The following PYGO1 variants were observed in gnomAD, a reference collection of about 807,000 sequenced individuals.
The protein encoded by PYGO1 is pygopus homolog 1.
A neutral mutation model predicts 29.5 loss-of-function variants in PYGO1; 6 were observed. That is an observed-to-expected ratio of 0.20 (90% CI 0.11 to 0.40). The LOEUF is 0.40. Ranked by LOEUF, PYGO1 falls within the 10% of genes least tolerant of loss-of-function variation. PYGO1 has a pLI of 1.00. For missense variants in PYGO1, 515 were observed against 514.9 expected (o/e 1.00, Z 0.00); for synonymous variants, 186 against 180.5 (o/e 1.03, Z -0.24).
chr15:55,556,016 G>C (rs745996710), intron 1 of PYGO1, among the ~76,000 whole-genome samples: 5 of 151,734 alleles, frequency 3.3e-5, no homozygotes, highest in Admixed American at 3.3e-4. Flanking sequence ...CAAGTTTTTA[G>C]AGACCTACAA....
chr15:55,552,900 C>A (rs964573439), intron 1 of PYGO1, among the ~76,000 whole-genome samples: 5 of 152,202 alleles, frequency 3.3e-5, no homozygotes. Context: ...CATTGTTCTG[C>A]GGGCCCCACT....
chr15:55,557,307 C>T (rs1400030269), intron 1 of PYGO1, among the ~76,000 whole-genome samples: 4 of 151,990 alleles, frequency 2.6e-5, no homozygotes, highest in African/African-American at 9.7e-5. Flanking sequence ...AAGTTGAATC[C>T]CTGAATAGAC....
At chr15:55,557,003 C>G (rs1019926081) in intron 1 of PYGO1, among the ~76,000 whole-genome samples, 1 of 151,972 alleles carries the variant, frequency 6.6e-6, no homozygotes, top group Admixed American at 6.6e-5. Flanking sequence ...TAATAAATAG[C>G]CTACCAACCC....
intron 1 of PYGO1, among the ~76,000 whole-genome samples, chr15:55,567,529 A>AGTTT (rs1325080420): frequency 6.6e-6 from 1 of 152,066 alleles, no homozygotes; most frequent in Non-Finnish European, 1.5e-5. Context: ...TCAGATGCAC[A>AGTTT]GTTTGTGAAT....
intron 1 of PYGO1, among the ~76,000 whole-genome samples, chr15:55,584,105 CCTT>C (rs1227302772): frequency 1.6e-5 from 2 of 124,338 alleles, no homozygotes; most frequent in Admixed American, 1.0e-4. Context: ...AGGTGTCATA[CCTT>C]TTTTTTTTTT....
At position 55,587,905 on chromosome 15, in the gene PYGO1, C is replaced by G. The variant is rs1312564605; in HGVS notation, c.-22G>C. 2.1e-6 allele frequency: 3 copies of G among 1,454,824 alleles called. No homozygotes were observed. Among genetic ancestry groups the G allele is most frequent in the Non-Finnish European group, 2.7e-6 (3 of 1,100,856 alleles). The allele number at this position is 1,454,824 out of a possible 1,614,324, so 90.1% of individuals were successfully genotyped here. A position where few individuals can be genotyped will look rare whatever the true frequency, so the allele number is the denominator to read the frequency against. On this transcript the variant is annotated 5_prime_UTR_variant, in exon 1 of 3. Coordinates refer to ENST00000563719, the MANE Select transcript of PYGO1 (RefSeq NM_001367806.1). ...ACATTACAGACCGCAAAGCATGACT[C>G]CCCCCCAGGCCGCGGGAATTCGGTC...
rs1225492504 is a variant in PYGO1, at chr15:55,540,408, A to G, written c.*5615T>C. The G allele has an allele frequency of 6.6e-6, 1 of 152,104 alleles. No individual in the cohort carries two copies. The highest frequency in any genetic ancestry group is 2.4e-5 in the African/African-American group (1 of 41,454). 9.4% of individuals were successfully genotyped at this position (152,104 alleles called of 1,614,324 possible). ...CTATATAATTTTAGTAGTATGTGCTAAAAAATCCTAATATGCACTGCCATT... is the reference window on the plus strand; with the variant it reads ...CTATATAATTTTAGTAGTATGTGCTGAAAAATCCTAATATGCACTGCCATT... On this transcript the variant is annotated 3_prime_UTR_variant, in exon 3 of 3. Transcript: ENST00000563719.
At chr15:55,568,344 G>GTT (rs1308463311) in intron 1 of PYGO1, among the ~76,000 whole-genome samples, 5 of 151,298 alleles carry the variant, frequency 3.3e-5, no homozygotes, top group Admixed American at 1.3e-4. Context: ...GTGTGTGTGT[G>GTT]TGTGTGTGTG....
Position 55,588,076 on chromosome 15 carries a change from G to A in PYGO1, c.-193C>T. 1 of 1,062,078 alleles carries A rather than the reference G, an allele frequency of 9.4e-7. No homozygotes were observed. Among genetic ancestry groups the A allele is most frequent in the South Asian group, 4.3e-5 (1 of 23,144 alleles). 65.8% of individuals were successfully genotyped at this position (1,062,078 alleles called of 1,614,324 possible). A position where few individuals can be genotyped will look rare whatever the true frequency, so the allele number is the denominator to read the frequency against. On this transcript the variant is annotated 5_prime_UTR_variant, in exon 1 of 3. Transcript: ENST00000563719. Reference sequence around the variant, plus strand: ...GAGGAGGACGAGGCCTCGGGGCGGCGGGGCGGCGGGGCGGCGTGCGGGCAC... The same window carrying A: ...GAGGAGGACGAGGCCTCGGGGCGGCAGGGCGGCGGGGCGGCGTGCGGGCAC...
intron 1 of PYGO1, among the ~76,000 whole-genome samples, chr15:55,578,106 T>C (rs1280780729): frequency 6.6e-6 from 1 of 152,242 alleles, no homozygotes; most frequent in Non-Finnish European, 1.5e-5. Flanking sequence ...TGTAGCTTTT[T>C]GTACATAGCT....
intron 1 of PYGO1, among the ~76,000 whole-genome samples, chr15:55,579,298 A>G (rs2059016555): frequency 6.6e-6 from 1 of 152,234 alleles, no homozygotes; most frequent in Non-Finnish European, 1.5e-5. Context: ...TCTGATATGG[A>G]AAAAGAATTA....
intron 1 of PYGO1, among the ~76,000 whole-genome samples, chr15:55,577,765 C>CTTT (rs71105898): frequency 2.2e-4 from 26 of 120,748 alleles, no homozygotes; most frequent in Non-Finnish European, 3.2e-4. Context: ...TACTAATCTA[C>CTTT]TTTTTTTTTT....
intron 1 of PYGO1, among the ~76,000 whole-genome samples, chr15:55,577,415 G>A (rs1179521957): frequency 6.6e-6 from 1 of 152,158 alleles, no homozygotes; most frequent in East Asian, 1.9e-4. Context: ...CTGAGGCTAT[G>A]TCATGGGTAC....
At chr15:55,580,135 C>T (rs530969161) in intron 1 of PYGO1, among the ~76,000 whole-genome samples, 10 of 152,068 alleles carry the variant, frequency 6.6e-5, no homozygotes, top group Non-Finnish European at 1.0e-4. Context: ...CTTTCATGAA[C>T]GAAGTCAGGC....
intron 1 of PYGO1, among the ~76,000 whole-genome samples, chr15:55,559,991 G>A (rs909311350): frequency 2.4e-4 from 37 of 151,970 alleles, no homozygotes; most frequent in Non-Finnish European, 4.7e-4. Flanking sequence ...CACCCTTCGC[G>A]TTGAAAACTC....
intron 1 of PYGO1, among the ~76,000 whole-genome samples, chr15:55,571,729 G>C (rs115682639): frequency 1.3e-5 from 2 of 152,094 alleles, no homozygotes; most frequent in Non-Finnish European, 2.9e-5. Context: ...TCTTGGGTAT[G>C]TCTTTATCAG....
In PYGO1 at chr15:55,587,823, C is replaced by A. The variant is rs754902044; in HGVS notation, c.49+12G>T. On this transcript the variant is annotated intron_variant, in intron 1 of 2. Coordinates refer to ENST00000563719, the MANE Select transcript of PYGO1 (RefSeq NM_001367806.1). ...ACCCCGGTTCCCCCAATCCGGCACC[C>A]TTCTCGGTTACCTCGAACTCTCTTC... The A allele has an allele frequency of 3.6e-5, 53 of 1,489,136 alleles. No homozygotes were observed. In the African/African-American group the frequency reaches 6.3e-4, roughly 18 times the overall value. The allele number at this position is 1,489,136 out of a possible 1,614,324, so 92.2% of individuals were successfully genotyped here. A position where few individuals can be genotyped will look rare whatever the true frequency, so the allele number is the denominator to read the frequency against.
chr15:55,540,185 C>T lies in PYGO1; in HGVS notation c.*5838G>A, dbSNP rs2058823066. On this transcript the variant is annotated 3_prime_UTR_variant, in exon 3 of 3. Coordinates refer to ENST00000563719, the MANE Select transcript of PYGO1 (RefSeq NM_001367806.1). Reference sequence around the variant, plus strand: ...TATAACCTTTATTACCAAATCCTTTCATTAGGTAGTACCAAGTAAACAGCA... The same window carrying T: ...TATAACCTTTATTACCAAATCCTTTTATTAGGTAGTACCAAGTAAACAGCA... 1 of 152,012 alleles carries T rather than the reference C, an allele frequency of 6.6e-6. No homozygotes were observed. The allele number at this position is 152,012 out of a possible 1,614,324, so 9.4% of individuals were successfully genotyped here.
chr15:55,541,909 T>C lies in PYGO1; in HGVS notation c.*4114A>G, dbSNP rs528972076. The C allele has an allele frequency of 1.1e-4, 17 of 152,280 alleles. No homozygotes were observed. The highest frequency in any genetic ancestry group is 1.1e-3 in the Admixed American group (17 of 15,292). 9.4% of individuals were successfully genotyped at this position (152,280 alleles called of 1,614,324 possible). A position where few individuals can be genotyped will look rare whatever the true frequency, so the allele number is the denominator to read the frequency against. ...TTCAGCATGATACTATTAACTAGATTATGGTCTAAATGAGCCTTTAGGAGC... is the reference window on the plus strand; with the variant it reads ...TTCAGCATGATACTATTAACTAGATCATGGTCTAAATGAGCCTTTAGGAGC... On this transcript the variant is annotated 3_prime_UTR_variant, in exon 3 of 3. Transcript: ENST00000563719.
Sources: gnomAD v4.1 joint callset for allele counts (sites outside exome capture counted in the v4.1 genomes callset) on GRCh38, gnomAD v4.1.1 for gene constraint, MANE v1.5 for transcripts, NCBI Gene and HGNC (gene_info 2026-07-23, HGNC 2026-07-21) for gene names.